Variants in CD300A observed in about 807,000 individuals in gnomAD.
CD300A encodes the protein CD300a molecule.
CD300A carries 22 observed loss-of-function variants against 33.6 expected under a neutral mutation model. That is an observed-to-expected ratio of 0.66 (90% CI 0.47 to 0.94). CD300A has a LOEUF of 0.94. Ranked by LOEUF, CD300A falls within the 40% of genes least tolerant of loss-of-function variation. The pLI is 0.00. For missense variants in CD300A, 326 were observed against 360.5 expected (o/e 0.90, Z 0.77); for synonymous variants, 136 against 148.1 (o/e 0.92, Z 0.59).
At chr17:74,467,251 G>A (rs1905782540) in intron 1 of CD300A, among the ~76,000 whole-genome samples, 1 of 149,914 alleles carries the variant, frequency 6.7e-6, no homozygotes, top group African/African-American at 2.5e-5. Context: ...TAGGGTCGGG[G>A]TGGGGAGCAG....
Position 74,480,174 on chromosome 17 carries a change from G to A in CD300A, c.629-1115G>A, listed in dbSNP as rs1906741451. ...GGGCACTTCGCACCCCAGAGTACCC[G>A]GCTGCGCACTCCATTAGGTCAGCTG... On this transcript the variant is annotated intron_variant, in intron 4 of 6. Transcript: ENST00000360141. The surrounding 1 kb of genome is among the most constrained non-coding windows in gnomAD (Gnocchi z 4.2). Among the ~76,000 whole-genome samples, 1 of 152,138 alleles carries A rather than the reference G, an allele frequency of 6.6e-6. No individual in the cohort carries two copies. Among genetic ancestry groups the A allele is most frequent in the South Asian group, 2.1e-4 (1 of 4,826 alleles).
In CD300A at chr17:74,480,640, G is replaced by A. The variant is rs1320375202; in HGVS notation, c.629-649G>A. Among the ~76,000 whole-genome samples the A allele has an allele frequency of 1.3e-5, 2 of 152,212 alleles. No homozygotes were observed. Among genetic ancestry groups the A allele is most frequent in the African/African-American group, 4.8e-5 (2 of 41,448 alleles). Reference sequence around the variant, plus strand: ...CAGCCCTAAGCCCCAGATGCACAGGGCTTTTCAGTGGCATCCTTCCTCCCC... The same window carrying A: ...CAGCCCTAAGCCCCAGATGCACAGGACTTTTCAGTGGCATCCTTCCTCCCC... On this transcript the variant is annotated intron_variant, in intron 4 of 6. Transcript: ENST00000360141. The surrounding 1 kb of genome is among the most constrained non-coding windows in gnomAD (Gnocchi z 4.2).
chr17:74,466,721 T>G lies in CD300A; in HGVS notation c.18T>G (p.Ala6=). ...AAGGGACCATGTGGCTGCCTTGGGC[T>G]CTGTTGCTTCTCTGGGTCCCAGGTG... The part of the protein sequence containing the change: MWLPW[A]LLLLWVPGCF... The change falls in exon 1 of 7, where the codon GCT becomes GCG. Residue 6 remains alanine, a synonymous_variant. Coordinates refer to ENST00000360141, the MANE Select transcript of CD300A (RefSeq NM_007261.4). 1 of 1,596,462 alleles carries G rather than the reference T, an allele frequency of 6.3e-7. No individual in the cohort carries two copies. The highest frequency in any genetic ancestry group is 8.5e-7 in the Non-Finnish European group (1 of 1,171,198).
rs1174580203 is a variant in CD300A at position 74,473,730 on chromosome 17, G to A, written c.235G>A (p.Asp79Asn). 6.2e-7 allele frequency: 1 copy of A among 1,614,236 alleles called. No individual in the cohort carries two copies. Among genetic ancestry groups the A allele is most frequent in the African/African-American group, 1.3e-5 (1 of 75,062 alleles). Residue 79 changes from aspartate to asparagine, a missense_variant, in exon 2 of 7, where the codon GAC becomes AAC. Coordinates refer to ENST00000360141, the MANE Select transcript of CD300A (RefSeq NM_007261.4). Reference protein sequence around the residue: ...GKRNGRVSIRDSPANLSFTVT... With the variant: ...GKRNGRVSIRNSPANLSFTVT... ...AAGGAACGGCCGAGTGTCCATCAGG[G>A]ACAGTCCTGCAAACCTCAGCTTCAC...
At chr17:74,479,232 A>T (rs1035015138) in intron 4 of CD300A, among the ~76,000 whole-genome samples, 2 of 151,016 alleles carry the variant, frequency 1.3e-5, no homozygotes, top group Non-Finnish European at 1.5e-5. Flanking sequence ...TGCATCTATG[A>T]TTTCTTTTTT....
intron 1 of CD300A, among the ~76,000 whole-genome samples, chr17:74,471,906 T>C (rs1906125528): frequency 6.6e-6 from 1 of 152,078 alleles, no homozygotes; most frequent in Non-Finnish European, 1.5e-5. Flanking sequence ...TACCAAAGTC[T>C]CATGTGTGAG....
Position 74,470,285 on chromosome 17 carries a change from T to G in CD300A, c.41-3251T>G, listed in dbSNP as rs572961554. 2.3e-3 allele frequency: 2,103 copies of G among 925,714 alleles called. 4 individuals are homozygous for G. The highest frequency in any genetic ancestry group is 2.5e-3 in the Non-Finnish European group (1,988 of 805,978). The allele number at this position is 925,714 out of a possible 1,614,324, so 57.3% of individuals were successfully genotyped here. A position where few individuals can be genotyped will look rare whatever the true frequency, so the allele number is the denominator to read the frequency against. ...TGGAGGGTTTTCTGACACTTCGCAATCTCTAAATTATAATGACACCCTCAC... is the reference window on the plus strand; with the variant it reads ...TGGAGGGTTTTCTGACACTTCGCAAGCTCTAAATTATAATGACACCCTCAC... On this transcript the variant is annotated intron_variant, in intron 1 of 6. Coordinates refer to ENST00000360141, the MANE Select transcript of CD300A (RefSeq NM_007261.4).
intron 2 of CD300A, 148 bp downstream of exon 2, chr17:74,474,022 T>A (rs1325457689): frequency 1.1e-6 from 1 of 876,112 alleles, no homozygotes; most frequent in Non-Finnish European, 1.7e-6. Flanking sequence ...AGTCAGGGGG[T>A]CTCTCCTGGA....
At chr17:74,481,495 C>T (rs1163909352) in intron 5 of CD300A, 169 bp downstream of exon 5, 2 of 678,812 alleles carry the variant, frequency 2.9e-6, no homozygotes, top group South Asian at 1.8e-5. Flanking sequence ...TGTTCTGAGT[C>T]CTGGCCAGCC....
At position 74,484,268 on chromosome 17, in the gene CD300A, C is replaced by A; in HGVS notation, c.*142C>A. ...CAGGCAGCTGGGTTTCCCAGGCCATCCCTCTGTTGCCATCAGCTTGATTGG... is the reference window on the plus strand; with the variant it reads ...CAGGCAGCTGGGTTTCCCAGGCCATACCTCTGTTGCCATCAGCTTGATTGG... On this transcript the variant is annotated 3_prime_UTR_variant, in exon 7 of 7. Coordinates refer to ENST00000360141, the MANE Select transcript of CD300A (RefSeq NM_007261.4). 1.2e-6 allele frequency: 1 copy of A among 867,322 alleles called. No individual in the cohort carries two copies. The highest frequency in any genetic ancestry group is 1.7e-6 in the Non-Finnish European group (1 of 576,086). The allele number at this position is 867,322 out of a possible 1,614,324, so 53.7% of individuals were successfully genotyped here.
At chr17:74,472,171 G>A (rs1245088266) in intron 1 of CD300A, among the ~76,000 whole-genome samples, 1 of 151,212 alleles carries the variant, frequency 6.6e-6, no homozygotes, top group Non-Finnish European at 1.5e-5. Context: ...CCGGGAGGCA[G>A]AGGTTGCAAT....
In CD300A at chr17:74,473,895, G is replaced by A. The variant is rs368597901; in HGVS notation, c.379+21G>A. ...CCCGGGTGAGCCCCTCCTTCCCTCA[G>A]CGCCTAAATAGGCTCAGGTTGGAAT... On this transcript the variant is annotated intron_variant, in intron 2 of 6. Coordinates refer to ENST00000360141, the MANE Select transcript of CD300A (RefSeq NM_007261.4). 61 of 1,602,334 alleles carry A rather than the reference G, an allele frequency of 3.8e-5. No individual in the cohort carries two copies. In the African/African-American group the frequency reaches 6.8e-4, roughly 18 times the overall value.
chr17:74,481,152 C>A, intron 4 of CD300A, 137 bp from the exon 5 acceptor site: 2 of 685,748 alleles, frequency 2.9e-6, no homozygotes, highest in Non-Finnish European at 5.2e-6. Flanking sequence ...TGAGTTCCTA[C>A]CATGCTTCAG....
chr17:74,472,830 G>A (rs779263042), intron 1 of CD300A, among the ~76,000 whole-genome samples: 12 of 152,178 alleles, frequency 7.9e-5, no homozygotes, highest in South Asian at 2.1e-4. Context: ...GGCTAGTCTC[G>A]AACTCCTGGC....
intron 2 of CD300A, 85 bp downstream of exon 2, chr17:74,473,959 AGTGTGTGT>A: frequency 7.1e-7 from 1 of 1,412,020 alleles, no homozygotes; most frequent in Non-Finnish European, 9.7e-7. Context: ...TGAAGCAGAC[AGTGTGTGT>A]GTGTGTGTGC....
chr17:74,466,864 G>T, intron 1 of CD300A, 121 bp downstream of exon 1: 1 of 1,531,764 alleles, frequency 6.5e-7, no homozygotes. Flanking sequence ...CGCAGAATGC[G>T]GTGCGCTCTG....
chr17:74,472,796 G>A (rs1036058292), intron 1 of CD300A, among the ~76,000 whole-genome samples: 1 of 152,074 alleles, frequency 6.6e-6, no homozygotes, highest in African/African-American at 2.4e-5. Context: ...TTTTAGTAGA[G>A]ACAGGGTTTC....
chr17:74,481,039 G>A (rs1022085915), intron 4 of CD300A, among the ~76,000 whole-genome samples: 3 of 152,162 alleles, frequency 2.0e-5, no homozygotes, highest in Non-Finnish European at 4.4e-5. Context: ...GTGAGCCACC[G>A]CACCCGGCCC....
chr17:74,482,138 C>T (rs1403028291), intron 6 of CD300A, among the ~76,000 whole-genome samples: 1 of 152,010 alleles, frequency 6.6e-6, no homozygotes, highest in African/African-American at 2.4e-5. Context: ...CCTGTGACTT[C>T]TCACTGTTTT....
Sources: allele counts gnomAD v4.1 joint callset (sites outside exome capture counted in the v4.1 genomes callset), GRCh38; gene constraint gnomAD v4.1.1; non-coding constraint Gnocchi (gnomAD v3.1); transcripts MANE v1.5; gene names NCBI Gene and HGNC (gene_info 2026-07-23, HGNC 2026-07-21).